Variants in MBD1 observed in about 807,000 individuals in gnomAD.
MBD1 encodes methyl-CpG binding domain protein 1, also known as methyl-CpG-binding domain protein 1.
Under a neutral mutation model 82.6 loss-of-function variants are expected in MBD1, and 25 were observed. The observed-to-expected ratio is 0.30, with a 90% CI of 0.22 to 0.42. The LOEUF (loss-of-function observed/expected upper bound fraction) is 0.42, where lower values mean the gene tolerates loss of function less well. Ranked by LOEUF, MBD1 falls within the 10% of genes least tolerant of loss-of-function variation. MBD1 has a pLI of 1.00. For synonymous variants in MBD1, 301 were observed against 303.7 expected (o/e 0.99, Z 0.09); for missense variants, 627 against 819.6 (o/e 0.76, Z 2.87).
At position 50,273,600 on chromosome 18, in the gene MBD1, C is replaced by T. The variant is rs116701586; in HGVS notation, c.1410G>A (p.Pro470=). The T allele has an allele frequency of 3.5e-3, 5,717 of 1,613,006 alleles. 18 individuals carry two copies. The highest frequency in any genetic ancestry group is 4.1e-3 in the Non-Finnish European group (4,816 of 1,179,992). The change falls in exon 12 of 17, where the codon CCG becomes CCA. Residue 470 remains proline, a synonymous_variant. Transcript: ENST00000269468. ...CTTCTGTGGAAGCTGCAACAGGGCC[C>T]GGCACCTGCACAGGACTGCTTGCGC... ...REGASSPVQV[P]GPVAASTEAL...
downstream of MBD1, among the ~76,000 whole-genome samples, chr18:50,268,341 C>T (rs185392989): frequency 6.6e-6 from 1 of 152,258 alleles, no homozygotes; most frequent in Admixed American, 6.5e-5. Context: ...CGACCCTTGG[C>T]GACACCCGGC....
At chr18:50,281,248 C>T in intron 1 of MBD1, 115 bp downstream of exon 1, 1 of 1,531,752 alleles carries the variant, frequency 6.5e-7, no homozygotes, top group East Asian at 2.5e-5. Context: ...CGCCGCCATT[C>T]CTCCCCCTTA....
At chr18:50,275,339 A>G (rs530545548) in intron 8 of MBD1, 94 bp from the exon 9 acceptor site, 1 of 1,612,436 alleles carries the variant, frequency 6.2e-7, no homozygotes, top group African/African-American at 1.3e-5. Context: ...TGCATGGGAC[A>G]GGCAGACAGA....
intron 2 of MBD1, among the ~76,000 whole-genome samples, chr18:50,278,878 G>A (rs1240283068): frequency 6.6e-6 from 1 of 152,080 alleles, no homozygotes; most frequent in Non-Finnish European, 1.5e-5. Context: ...TTATTTGCAT[G>A]GTCTTTGAAT....
At chr18:50,276,501 C>T (rs2037958457) in intron 5 of MBD1, 83 bp from the exon 6 acceptor site, 1 of 1,489,078 alleles carries the variant, frequency 6.7e-7, no homozygotes, top group South Asian at 1.1e-5. Context: ...CCCTGACTTC[C>T]ACTATTCAAC....
In MBD1 at chr18:50,273,550, G is replaced by A; in HGVS notation, c.1446+14C>T. 3 of 1,613,048 alleles carry A rather than the reference G, an allele frequency of 1.9e-6. No individual in the cohort carries two copies. The highest frequency in any genetic ancestry group is 2.5e-6 in the Non-Finnish European group (3 of 1,180,034). ...GGGTGAGGCTGGGAAGGCAGGACAG[G>A]GTGGGGCCCTCACCTGCAACAGGGC... On this transcript the variant is annotated intron_variant, in intron 12 of 16. Transcript: ENST00000269468.
chr18:50,277,282 G>C, intron 2 of MBD1, 78 bp from the exon 3 acceptor site: 1 of 1,174,352 alleles, frequency 8.5e-7, no homozygotes, highest in Non-Finnish European at 1.3e-6. Context: ...GACAGGGCTG[G>C]CAGGATATAG....
At chr18:50,275,075 C>T (rs371341311) in intron 9 of MBD1, 30 bp from the exon 10 acceptor site, 10 of 1,613,434 alleles carry the variant, frequency 6.2e-6, no homozygotes, top group Non-Finnish European at 8.5e-6. Context: ...GGGGTCAGGG[C>T]AGGTACTGGG....
intron 15 of MBD1, 56 bp downstream of exon 15, chr18:50,272,621 G>T: frequency 6.3e-7 from 1 of 1,593,420 alleles, no homozygotes; most frequent in Non-Finnish European, 8.6e-7. Context: ...CAAAACTCAG[G>T]GCCCACATCT....
At chr18:50,272,400 G>A in intron 15 of MBD1, 1 of 496,880 alleles carries the variant, frequency 2.0e-6, no homozygotes, top group East Asian at 3.8e-5. Flanking sequence ...ATAGGGACCA[G>A]ACTCCCTATC....
rs1174453548 is a variant in MBD1, at chr18:50,272,969, G to A, written c.1585-14C>T. 2 of 1,613,934 alleles carry A rather than the reference G, an allele frequency of 1.2e-6. No individual in the cohort carries two copies. Among genetic ancestry groups the A allele is most frequent in the African/African-American group, 1.3e-5 (1 of 74,914 alleles). On this transcript the variant is annotated splice_polypyrimidine_tract_variant and intron_variant, in intron 13 of 16. Coordinates refer to ENST00000269468, the MANE Select transcript of MBD1 (RefSeq NM_015846.4). ...TGGGTCTACTGCCTGGGAGAAGTAG[G>A]AAACAGGCAACCATTAGAAGGGCAG...
Position 50,271,362 on chromosome 18 carries a change from G to GT in MBD1, c.*32+106dup. On this transcript the variant is annotated intron_variant, in intron 16 of 16. Transcript: ENST00000269468. ...GCCTGCTCTTCTGGTTTGGTAGTAG[G>GT]TTTTTCCTCCTAGGGTTGATTCACA... The GT allele has an allele frequency of 1.9e-6, 3 of 1,595,852 alleles. No individual in the cohort carries two copies. In the Admixed American group the frequency reaches 5.2e-5, roughly 27 times the overall value.
chr18:50,276,645 C>T lies in MBD1; in HGVS notation c.475+17G>A. On this transcript the variant is annotated intron_variant, in intron 5 of 16. Transcript: ENST00000269468. ...AGCTCCTATCTCCCGATGCCCCATC[C>T]TCTGGAGGCCACTCACCTCGACAGT... 6.2e-7 allele frequency: 1 copy of T among 1,613,920 alleles called. No individual in the cohort carries two copies. The highest frequency in any genetic ancestry group is 1.1e-5 in the South Asian group (1 of 91,084).
chr18:50,273,025 A>G, intron 13 of MBD1, 70 bp from the exon 14 acceptor site: 8 of 1,580,684 alleles, frequency 5.1e-6, no homozygotes, highest in Non-Finnish European at 6.9e-6. Flanking sequence ...CTATCAGCCA[A>G]CCCCTCACTG....
intron 1 of MBD1, chr18:50,281,088 G>A: frequency 5.0e-6 from 7 of 1,410,554 alleles, no homozygotes; most frequent in South Asian, 2.5e-5. Flanking sequence ...AACTTCAGAT[G>A]CCCCGATGTC....
intron 2 of MBD1, among the ~76,000 whole-genome samples, chr18:50,277,590 A>T (rs1241576834): frequency 1.3e-5 from 2 of 152,038 alleles, no homozygotes; most frequent in African/African-American, 4.8e-5. Flanking sequence ...TAAAGAAAAC[A>T]CAAATATGTT....
chr18:50,276,448 T>C, intron 5 of MBD1, 30 bp from the exon 6 acceptor site: 5 of 1,611,946 alleles, frequency 3.1e-6, no homozygotes, highest in Non-Finnish European at 4.2e-6. Flanking sequence ...AGAAGAAAAG[T>C]GGAAAGGAAG....
At position 50,269,568 on chromosome 18, in the gene MBD1, C is replaced by A; in HGVS notation, c.*283G>T. ...GTCAGGCCTGCAGCCAGGCCTGCAG[C>A]TGCTCCACCTTCCCCAGGATCATCC... is the stretch of plus-strand genomic sequence containing the variant. On this transcript the variant is annotated 3_prime_UTR_variant, in exon 17 of 17. Coordinates refer to ENST00000269468, the MANE Select transcript of MBD1 (RefSeq NM_015846.4). 1.4e-6 allele frequency: 1 copy of A among 718,494 alleles called. No individual in the cohort carries two copies. The highest frequency in any genetic ancestry group is 2.0e-5 in the Admixed American group (1 of 50,034). 44.5% of individuals were successfully genotyped at this position (718,494 alleles called of 1,614,324 possible).
intron 1 of MBD1, chr18:50,281,153 G>A (rs1201545692): frequency 2.0e-6 from 3 of 1,532,678 alleles, no homozygotes; most frequent in Admixed American, 2.0e-5. Context: ...CCAGGATCCC[G>A]ACACTCCTAC....
Sources: gnomAD v4.1 joint callset for allele counts (sites outside exome capture counted in the v4.1 genomes callset) on GRCh38, gnomAD v4.1.1 for gene constraint, MANE v1.5 for transcripts, NCBI Gene and HGNC (gene_info 2026-07-23, HGNC 2026-07-21) for gene names.